The following RFT1 variants were observed in gnomAD, a reference collection of about 807,000 sequenced individuals.
RFT1 encodes the protein man(5)GlcNAc(2)-PP-dolichol translocation protein RFT1.
In RFT1, 43 loss-of-function variants were observed where a neutral mutation model predicts 62.2. That is an observed-to-expected ratio of 0.69 (90% CI 0.54 to 0.89). The LOEUF is 0.89. RFT1 is among the 40% of genes least tolerant of loss of function. The pLI, the probability that RFT1 is intolerant of heterozygous loss-of-function variation, is 0.00. For synonymous variants in RFT1, 262 were observed against 264.6 expected (o/e 0.99, Z 0.10); for missense variants, 605 against 649.9 (o/e 0.93, Z 0.75).
the RFT1 span, among the ~76,000 whole-genome samples, chr3:53,080,474 G>A: frequency 6.6e-6 from 1 of 152,216 alleles, no homozygotes; most frequent in Non-Finnish European, 1.5e-5. Context: ...CGTCTTTCAG[G>A]AGAGGGTAAA....
rs879436356 is a variant in RFT1, at chr3:53,111,405, C to CAA, written c.775+423_775+424dup. On this transcript the variant is annotated intron_variant, in intron 7 of 12. Transcript: ENST00000296292. ...TGGGCGACGGAGCAAGACTCCATCT[C>CAA]AAAAAAAAAAAAATGATAAAAATAC... Among the ~76,000 whole-genome samples the CAA allele has an allele frequency of 7.8e-5, 9 of 114,954 alleles. No homozygotes were observed. The South Asian group carries it at 1.1e-3, about 14-fold the overall frequency. The allele number at this position is 114,954 out of a possible 152,430, so 75.4% of individuals were successfully genotyped here.
At chr3:53,087,542 G>C (rs1700882111), downstream of RFT1, among the ~76,000 whole-genome samples, 2 of 149,570 alleles carry the variant, frequency 1.3e-5, no homozygotes, top group African/African-American at 4.9e-5. Flanking sequence ...TTTTTTTTTG[G>C]AGTGGGGGGA....
At chr3:53,098,540 T>A (rs56332721) in intron 11 of RFT1, among the ~76,000 whole-genome samples, 6 of 151,944 alleles carry the variant, frequency 3.9e-5, no homozygotes, top group Non-Finnish European at 4.4e-5. Context: ...CGGTGGCTCA[T>A]GCCTGTAATC....
At chr3:53,119,378 C>T (rs1701902633) in intron 6 of RFT1, among the ~76,000 whole-genome samples, 1 of 152,208 alleles carries the variant, frequency 6.6e-6, no homozygotes. Flanking sequence ...AGGCTGCTGT[C>T]CTCACTCTGA....
the RFT1 span, among the ~76,000 whole-genome samples, chr3:53,074,263 C>A: frequency 6.6e-6 from 1 of 152,224 alleles, no homozygotes; most frequent in Admixed American, 6.5e-5. Context: ...AGCATCCCCC[C>A]TCCCAACCTG....
chr3:53,098,821 A>AT (rs1383186439), intron 11 of RFT1, among the ~76,000 whole-genome samples: 1 of 150,842 alleles, frequency 6.6e-6, no homozygotes, highest in Non-Finnish European at 1.5e-5. Flanking sequence ...AAAAAAAAAA[A>AT]AAAAAGAACC....
At chr3:53,073,639 G>A in the RFT1 span, among the ~76,000 whole-genome samples, 1 of 152,170 alleles carries the variant, frequency 6.6e-6, no homozygotes, top group Non-Finnish European at 1.5e-5. Flanking sequence ...GTGAAGAGCC[G>A]CAGCTCTGTG....
Position 53,122,441 on chromosome 3 carries a change from G to A in RFT1, c.389C>T (p.Ala130Val). Reference sequence around the variant, plus strand: ...GGGCTCTCCTAGAAGCTCCACCACTGCCGAGAGACCAAACAGCACCACTCC... The same window carrying A: ...GGGCTCTCCTAGAAGCTCCACCACTACCGAGAGACCAAACAGCACCACTCC... ...ATGVVLFGLS[A>V]VVELLGEPFW... is the part of the protein sequence containing the mutation. Residue 130 changes from alanine to valine, a missense_variant, in exon 4 of 13, where the codon GCA becomes GTA. Coordinates refer to ENST00000296292, the MANE Select transcript of RFT1 (RefSeq NM_052859.4). 6.2e-7 allele frequency: 1 copy of A among 1,614,024 alleles called. No homozygotes were observed. The highest frequency in any genetic ancestry group is 8.5e-7 in the Non-Finnish European group (1 of 1,180,008).
chr3:53,101,571 T>C (rs913794834), intron 10 of RFT1, among the ~76,000 whole-genome samples: 5 of 152,274 alleles, frequency 3.3e-5, no homozygotes, highest in Non-Finnish European at 7.4e-5. Flanking sequence ...GTAGACTGAA[T>C]TGAGGGGTGT....
intron 11 of RFT1, among the ~76,000 whole-genome samples, chr3:53,095,048 G>A (rs1464940279): frequency 1.3e-5 from 2 of 149,964 alleles, no homozygotes; most frequent in African/African-American, 2.5e-5. Context: ...CGGGTAGATC[G>A]CGAGGTCAAG....
the RFT1 span, among the ~76,000 whole-genome samples, chr3:53,068,800 G>C: frequency 6.6e-6 from 1 of 152,174 alleles, no homozygotes; most frequent in African/African-American, 2.4e-5. Flanking sequence ...TGGTGCAAAA[G>C]TCATACACAT....
intron 7 of RFT1, among the ~76,000 whole-genome samples, chr3:53,108,183 G>A (rs1177366731): frequency 2.0e-5 from 3 of 151,918 alleles, no homozygotes; most frequent in African/African-American, 7.3e-5. Context: ...TGAGTAGCTG[G>A]GATTACAGGT....
chr3:53,105,710 A>C lies in RFT1; in HGVS notation c.920T>G (p.Val307Gly). The change falls in exon 9 of 13, where the codon GTG becomes GGG. Residue 307 changes from valine (V) to glycine (G), a missense_variant. Val to Gly is a moderately radical substitution (Grantham distance 109). Transcript: ENST00000296292. ...TGTGGCATCCTTTCCCCTCTCCAGC[A>C]CCTTAGCAAAAAATATATAAAAACT... ...EESFYIFFAK[V>G]LERGKDATLQ... 1 of 1,613,956 alleles carries C rather than the reference A, an allele frequency of 6.2e-7. No homozygotes were observed. Among genetic ancestry groups the C allele is most frequent in the South Asian group, 1.1e-5 (1 of 91,078 alleles).
At chr3:53,128,001 G>A (rs986210130) in intron 1 of RFT1, among the ~76,000 whole-genome samples, 1 of 151,816 alleles carries the variant, frequency 6.6e-6, no homozygotes, top group Non-Finnish European at 1.5e-5. Context: ...TAAAAATATG[G>A]TTATTAAAAA....
intron 11 of RFT1, among the ~76,000 whole-genome samples, chr3:53,098,990 G>C (rs1167346689): frequency 1.3e-5 from 2 of 152,078 alleles, no homozygotes; most frequent in Non-Finnish European, 2.9e-5. Context: ...GTTCTCAGGG[G>C]TAGGAATGTG....
the RFT1 span, among the ~76,000 whole-genome samples, chr3:53,073,798 G>C: frequency 1.3e-5 from 2 of 152,132 alleles, no homozygotes; most frequent in Non-Finnish European, 2.9e-5. Flanking sequence ...CCCAATGCTC[G>C]GGGAGCTCCC....
chr3:53,085,717 C>CT (rs1469433666), downstream of RFT1: 1 of 152,184 alleles, frequency 6.6e-6, no homozygotes, highest in African/African-American at 2.4e-5. Flanking sequence ...GCATCTATGA[C>CT]TTGCAAGGAA....
chr3:53,071,392 C>G, the RFT1 span, among the ~76,000 whole-genome samples: 1 of 152,096 alleles, frequency 6.6e-6, no homozygotes, highest in Non-Finnish European at 1.5e-5. Flanking sequence ...AGGTTGGTGC[C>G]CCAGATACTT....
intron 10 of RFT1, chr3:53,103,006 A>T: frequency 1.4e-6 from 1 of 695,574 alleles, no homozygotes; most frequent in Non-Finnish European, 1.8e-6. Context: ...CACAGCTGCC[A>T]GATGGAAATA....
Sources: allele counts gnomAD v4.1 joint callset (sites outside exome capture counted in the v4.1 genomes callset), GRCh38; gene constraint gnomAD v4.1.1; transcripts MANE v1.5; gene names NCBI Gene and HGNC (gene_info 2026-07-23, HGNC 2026-07-21).